Variants in KCNK9 observed in about 807,000 individuals in gnomAD.
The protein encoded by KCNK9 is potassium channel subfamily K member 9.
In KCNK9, 1 loss-of-function variant was observed where a neutral mutation model predicts 10.8. That is an observed-to-expected ratio of 0.09 (90% CI 0.03 to 0.44). The LOEUF (loss-of-function observed/expected upper bound fraction) is 0.44, where lower values mean the gene tolerates loss of function less well. Among genes scored for constraint, KCNK9 ranks in the 20% least tolerant of loss-of-function variants. The pLI is 0.97. For synonymous variants in KCNK9, 231 were observed against 222.7 expected, an observed-to-expected ratio of 1.04 and a Z score of -0.33; for missense variants, 303 against 515.0, an observed-to-expected ratio of 0.59 and a Z score of 3.98.
At chr8:139,672,186 TG>T (rs1452861361) in intron 1 of KCNK9, among the ~76,000 whole-genome samples, 1 of 152,200 alleles carries the variant, frequency 6.6e-6, no homozygotes, top group African/African-American at 2.4e-5. Context: ...GGTGGCTTTC[TG>T]GGTTCCTCCT....
intron 1 of KCNK9, among the ~76,000 whole-genome samples, chr8:139,630,059 G>A (rs929995858): frequency 3.3e-5 from 5 of 151,906 alleles, no homozygotes; most frequent in Admixed American, 2.6e-4. Flanking sequence ...AGGGGTTGCG[G>A]GGGGAGCGGG....
chr8:139,641,769 G>C (rs1271549061), intron 1 of KCNK9, among the ~76,000 whole-genome samples: 7 of 152,222 alleles, frequency 4.6e-5, no homozygotes, highest in Non-Finnish European at 1.0e-4. Flanking sequence ...TCCTGGGGGA[G>C]GACCAGCTGA....
At chr8:139,646,508 G>T (rs936302240) in intron 1 of KCNK9, among the ~76,000 whole-genome samples, 1 of 152,170 alleles carries the variant, frequency 6.6e-6, no homozygotes, top group Non-Finnish European at 1.5e-5. Context: ...GACTTGACCC[G>T]AGCAATACTT....
chr8:139,613,793 G>T (rs531446460), downstream of KCNK9, among the ~76,000 whole-genome samples: 26 of 152,200 alleles, frequency 1.7e-4, no homozygotes, highest in African/African-American at 6.3e-4. Flanking sequence ...GTCTGTGCTG[G>T]CCACGACTCT....
intron 2 of KCNK9, among the ~76,000 whole-genome samples, chr8:139,606,415 G>A (rs963082084): frequency 5.9e-5 from 9 of 152,168 alleles, no homozygotes; most frequent in Non-Finnish European, 1.0e-4. Flanking sequence ...ACAGATATCC[G>A]GTCAATGCAC....
intron 1 of KCNK9, among the ~76,000 whole-genome samples, chr8:139,625,828 G>A (rs946651930): frequency 1.3e-5 from 2 of 151,798 alleles, no homozygotes; most frequent in South Asian, 2.1e-4. Context: ...GGAGCTCCCC[G>A]AAAAACCAGC....
intron 1 of KCNK9, among the ~76,000 whole-genome samples, chr8:139,621,290 C>CAAA (rs60686948): frequency 1.5e-3 from 166 of 110,794 alleles, no homozygotes; most frequent in Middle Eastern, 0.011. Flanking sequence ...GACTCCATCT[C>CAAA]AAAAAAAAAA....
chr8:139,697,813 G>C (rs1322383934), intron 1 of KCNK9, among the ~76,000 whole-genome samples: 2 of 152,110 alleles, frequency 1.3e-5, no homozygotes, highest in Non-Finnish European at 2.9e-5. Flanking sequence ...CCATTTCTTG[G>C]CTGTGTCCAT....
In KCNK9 at chr8:139,602,811, C is replaced by A. The variant is rs79217030; in HGVS notation, c.*1-1210G>T. ...GAGCTCAATTGAAAATTGGCCCCTG[C>A]AAGCTGGAACATCTGCTGTGGCTCT... On this transcript the variant is annotated intron_variant, in intron 2 of 2. Coordinates refer to the KCNK9 transcript ENST00000650269. Among the ~76,000 whole-genome samples, 626 of 152,324 alleles carry A rather than the reference C, an allele frequency of 4.1e-3. 9 individuals are homozygous for A. The highest frequency in any genetic ancestry group is 0.015 in the African/African-American group (611 of 41,576).
At chr8:139,686,772 T>C (rs1317993466) in intron 1 of KCNK9, among the ~76,000 whole-genome samples, 1 of 152,250 alleles carries the variant, frequency 6.6e-6, no homozygotes, top group East Asian at 1.9e-4. Flanking sequence ...TGTATATGCA[T>C]GTGTGTTTTG....
intron 1 of KCNK9, among the ~76,000 whole-genome samples, chr8:139,672,278 G>A (rs1212798874): frequency 6.6e-6 from 1 of 152,166 alleles, no homozygotes; most frequent in Non-Finnish European, 1.5e-5. Flanking sequence ...AGGGCCTCGG[G>A]GCTGGCACAA....
intron 1 of KCNK9, among the ~76,000 whole-genome samples, chr8:139,684,268 T>C (rs1816745542): frequency 6.6e-6 from 1 of 152,242 alleles, no homozygotes; most frequent in Non-Finnish European, 1.5e-5. Context: ...GAGTACATTC[T>C]TTTGTGCAAT....
chr8:139,601,566 C>G (rs1479290030), exon 3 of KCNK9: 1 of 152,228 alleles, frequency 6.6e-6, no homozygotes, highest in Non-Finnish European at 1.5e-5. Flanking sequence ...AAGGAGAGAG[C>G]TGTCCCCGTC....
chr8:139,668,628 G>A (rs1474801669), intron 1 of KCNK9, among the ~76,000 whole-genome samples: 3 of 152,136 alleles, frequency 2.0e-5, no homozygotes, highest in Non-Finnish European at 4.4e-5. Context: ...CACCATGTTG[G>A]CCAGGCTGGT....
chr8:139,608,442 C>G (rs898847782), downstream of KCNK9, among the ~76,000 whole-genome samples: 1 of 152,236 alleles, frequency 6.6e-6, no homozygotes, highest in African/African-American at 2.4e-5. Flanking sequence ...AACGAAGGCT[C>G]TAGTGGGGCA....
intron 1 of KCNK9, among the ~76,000 whole-genome samples, chr8:139,623,470 C>A (rs1000116241): frequency 6.6e-6 from 1 of 152,140 alleles, no homozygotes; most frequent in Non-Finnish European, 1.5e-5. Flanking sequence ...TACCAGGAGC[C>A]CTGCCCAGTG....
downstream of KCNK9, among the ~76,000 whole-genome samples, chr8:139,615,002 T>C (rs1244835071): frequency 6.6e-6 from 1 of 152,230 alleles, no homozygotes; most frequent in Non-Finnish European, 1.5e-5. Flanking sequence ...AGCAGCCTGC[T>C]GTGACTTCGA....
At chr8:139,609,111 A>ACCCCGCCCCACCCCGCCCCG, downstream of KCNK9, among the ~76,000 whole-genome samples, 1 of 67,302 alleles carries the variant, frequency 1.5e-5, no homozygotes, top group East Asian at 5.4e-4. Flanking sequence ...ATCCCACCCC[A>ACCCCGCCCCACCCCGCCCCG]CCCCGCCCCG....
In KCNK9 at chr8:139,618,593, G is replaced by A. The variant is rs1814675281; in HGVS notation, c.790C>T (p.Leu264Phe). Reference protein sequence around the residue: ...ERRDAEERASLAGNRNSMVIH... With the variant: ...ERRDAEERASFAGNRNSMVIH... The stretch of plus-strand genomic sequence containing the variant: ...ACCATGCTGTTGCGGTTTCCGGCGA[G>A]GGATGCCCTCTCTTCAGCATCCCGC... The change falls in exon 2 of 2, where the codon CTC (leucine) becomes TTC (phenylalanine). Residue 264 changes from leucine (L) to phenylalanine (F), a missense_variant. Coordinates refer to ENST00000520439, the MANE Select transcript of KCNK9 (RefSeq NM_001282534.2). This position sits in a 1 kb window ranked among gnomAD's most constrained non-coding sequence, Gnocchi z 7.9. 2 of 1,613,730 alleles carry A rather than the reference G, an allele frequency of 1.2e-6. No individual in the cohort carries two copies. The highest frequency in any genetic ancestry group is 1.7e-6 in the Non-Finnish European group (2 of 1,179,824).
Sources: gnomAD v4.1 joint callset for allele counts (sites outside exome capture counted in the v4.1 genomes callset) on GRCh38, gnomAD v4.1.1 for gene constraint, Gnocchi (gnomAD v3.1) non-coding constraint, MANE v1.5 for transcripts, NCBI Gene and HGNC (gene_info 2026-07-23, HGNC 2026-07-21) for gene names.